The following WWOX variants were observed in gnomAD, a reference collection of about 807,000 sequenced individuals.
The protein encoded by WWOX is WW domain-containing oxidoreductase.
A neutral mutation model predicts 46.2 loss-of-function variants in WWOX; 69 were observed. The observed-to-expected ratio is 1.49, with a 90% CI of 1.23 to 1.82. The LOEUF (loss-of-function observed/expected upper bound fraction) is 1.82. WWOX is among the 40% of genes most tolerant of loss of function. The pLI is 0.00. For synonymous variants in WWOX, 359 were observed against 202.6 expected, an observed-to-expected ratio of 1.77 and a Z score of -6.56; for missense variants, 919 against 542.6, an observed-to-expected ratio of 1.69 and a Z score of -6.89.
intron 5 of WWOX, among the ~76,000 whole-genome samples, chr16:78,267,806 C>T (rs777344912): frequency 1.8e-4 from 28 of 152,328 alleles, no homozygotes; most frequent in South Asian, 1.0e-3. Context: ...GTCTCACTCT[C>T]ATTGCCCAGG....
chr16:79,134,613 A>T (rs1383014515), intron 8 of WWOX, among the ~76,000 whole-genome samples: 1 of 152,190 alleles, frequency 6.6e-6, no homozygotes, highest in Non-Finnish European at 1.5e-5. Context: ...ACATACAGAC[A>T]CCCACACCCA....
intron 8 of WWOX, among the ~76,000 whole-genome samples, chr16:78,634,474 G>A (rs572611967): frequency 3.3e-5 from 5 of 152,200 alleles, no homozygotes; most frequent in East Asian, 1.9e-4. Context: ...TTGGGAGGGC[G>A]AGGCGGGCAG....
rs2048944348 is a variant in WWOX, at chr16:79,090,803, C to G, written c.1057-120805C>G. 4.6e-5 allele frequency among the ~76,000 whole-genome samples: 7 copies of G among 152,160 alleles called. No individual in the cohort carries two copies. The South Asian group carries it at 1.4e-3, about 32-fold the overall frequency. On this transcript the variant is annotated intron_variant, in intron 8 of 8. Coordinates refer to ENST00000566780, the MANE Select transcript of WWOX (RefSeq NM_016373.4). ...TGCCTTGTTGGTTTTTAGAAAGACT[C>G]TGTTTTGGTTATTTTGTTTTTCTTT...
intron 8 of WWOX, among the ~76,000 whole-genome samples, chr16:78,765,962 G>C (rs1429830292): frequency 2.0e-5 from 3 of 152,178 alleles, no homozygotes; most frequent in Admixed American, 6.5e-5. Flanking sequence ...TGGCTTGAAA[G>C]TATAACAAAA....
At chr16:78,110,644 C>T (rs988692643) in intron 3 of WWOX, among the ~76,000 whole-genome samples, 3 of 152,096 alleles carry the variant, frequency 2.0e-5, no homozygotes, top group African/African-American at 4.8e-5. Context: ...TCCGGTATCA[C>T]GCAGCAATAG....
rs139431746 is a variant in WWOX at position 78,486,779 on chromosome 16, G to T, written c.1056+54027G>T. Among the ~76,000 whole-genome samples, 280 of 152,198 alleles carry T rather than the reference G, an allele frequency of 1.8e-3. 1 individual carries two copies. Among genetic ancestry groups the T allele is most frequent in the African/African-American group, 6.5e-3 (270 of 41,520 alleles). Reference sequence around the variant, plus strand: ...AGTTGAGATAAGGGTTTACTGTCTTGGCCAGGCTGGTCTTGAACTCCTGAC... The same window carrying T: ...AGTTGAGATAAGGGTTTACTGTCTTTGCCAGGCTGGTCTTGAACTCCTGAC... On this transcript the variant is annotated intron_variant, in intron 8 of 8. Coordinates refer to ENST00000566780, the MANE Select transcript of WWOX (RefSeq NM_016373.4).
At chr16:79,157,772 G>A (rs1597430218) in intron 8 of WWOX, among the ~76,000 whole-genome samples, 1 of 152,172 alleles carries the variant, frequency 6.6e-6, no homozygotes, top group Non-Finnish European at 1.5e-5. Flanking sequence ...ACATGGGGAG[G>A]CACCAGGACT....
At chr16:78,168,905 T>C (rs1189277465) in intron 5 of WWOX, among the ~76,000 whole-genome samples, 6 of 152,184 alleles carry the variant, frequency 3.9e-5, no homozygotes, top group Non-Finnish European at 1.5e-5. Context: ...CCTGCTGAGA[T>C]GTTTTAGATG....
At chr16:79,162,647 C>G (rs951686773) in intron 8 of WWOX, among the ~76,000 whole-genome samples, 1 of 152,226 alleles carries the variant, frequency 6.6e-6, no homozygotes, top group Admixed American at 6.5e-5. Flanking sequence ...ACCATGTCTT[C>G]TGCTTTCATC....
At chr16:78,235,653 A>G (rs1031959947) in intron 5 of WWOX, among the ~76,000 whole-genome samples, 1 of 152,160 alleles carries the variant, frequency 6.6e-6, no homozygotes, top group Non-Finnish European at 1.5e-5. Flanking sequence ...AAAAGGATGC[A>G]TGGGATGGGT....
At chr16:78,312,631 T>C (rs952547077) in intron 5 of WWOX, among the ~76,000 whole-genome samples, 16 of 152,172 alleles carry the variant, frequency 1.1e-4, no homozygotes, top group African/African-American at 3.9e-4. Context: ...TACCTTGGCC[T>C]CCCAAAGTGC....
intron 8 of WWOX, among the ~76,000 whole-genome samples, chr16:79,146,076 TTCAAG>T (rs2050177791): frequency 6.6e-6 from 1 of 152,222 alleles, no homozygotes; most frequent in African/African-American, 2.4e-5. Context: ...CTTGGAATAT[TTCAAG>T]TAAAGTAACA....
chr16:78,688,409 A>G lies in WWOX; in HGVS notation c.1056+255657A>G, dbSNP rs190134110. Among the ~76,000 whole-genome samples, 18 of 150,634 alleles carry G rather than the reference A, an allele frequency of 1.2e-4. No individual in the cohort carries two copies. The East Asian group carries it at 3.5e-3, about 29-fold the overall frequency. On this transcript the variant is annotated intron_variant, in intron 8 of 8. Transcript: ENST00000566780. ...AGATCCTGACAAATCCTACTTTTTC[A>G]GGTCCTGATGCACTAAGTCTCATTC...
intron 8 of WWOX, among the ~76,000 whole-genome samples, chr16:79,186,880 T>C (rs1017654970): frequency 4.6e-5 from 7 of 152,178 alleles, no homozygotes; most frequent in South Asian, 2.1e-4. Context: ...TTTCAACATA[T>C]TGGTTTTTCA....
intron 8 of WWOX, among the ~76,000 whole-genome samples, chr16:79,207,483 A>ATAAC (rs1235929292): frequency 2.0e-5 from 3 of 152,224 alleles, no homozygotes; most frequent in African/African-American, 7.2e-5. Flanking sequence ...CATTCCTTTC[A>ATAAC]TAACTCTACT....
In WWOX at chr16:79,106,582, A is replaced by ATTTTTTTTTTTTTTTT. The variant is rs752318131; in HGVS notation, c.1057-105008_1057-104993dup. 8.2e-4 allele frequency: 65 copies of ATTTTTTTTTTTTTTTT among 79,522 alleles called. 8 individuals are homozygous for ATTTTTTTTTTTTTTTT. Among genetic ancestry groups the ATTTTTTTTTTTTTTTT allele is most frequent in the African/African-American group, 3.4e-3 (64 of 18,840 alleles). The allele number at this position is 79,522 out of a possible 1,614,324, so 4.9% of individuals were successfully genotyped here. A position where few individuals can be genotyped will look rare whatever the true frequency, so the allele number is the denominator to read the frequency against. The stretch of plus-strand genomic sequence containing the variant: ...CCTAAAATGACTCTTTCTTAAAATA[A>ATTTTTTTTTTTTTTTT]TTTTTTTTTTTTTTTTTTTTTTTTT... On this transcript the variant is annotated intron_variant, in intron 8 of 8. Coordinates refer to ENST00000566780, the MANE Select transcript of WWOX (RefSeq NM_016373.4).
chr16:78,337,853 CCG>C lies in WWOX; in HGVS notation c.517-49006_517-49005del, dbSNP rs2080929176. Among the ~76,000 whole-genome samples, 6 of 119,408 alleles carry C rather than the reference CCG, an allele frequency of 5.0e-5. 1 individual carries two copies. The highest frequency in any genetic ancestry group is 8.3e-5 in the Admixed American group (1 of 12,110). 78.3% of individuals were successfully genotyped at this position (119,408 alleles called of 152,430 possible). A position where few individuals can be genotyped will look rare whatever the true frequency, so the allele number is the denominator to read the frequency against. On this transcript the variant is annotated intron_variant, in intron 5 of 8. Coordinates refer to ENST00000566780, the MANE Select transcript of WWOX (RefSeq NM_016373.4). ...GTTTCCACCATGAAGAAGTGGAGAG[CCG>C]TGTGACCTCAGTGGTAGAGCTGATG...
chr16:78,719,419 A>G (rs2048642240), intron 8 of WWOX, among the ~76,000 whole-genome samples: 1 of 152,264 alleles, frequency 6.6e-6, no homozygotes, highest in Non-Finnish European at 1.5e-5. Flanking sequence ...CTTGCCTTAC[A>G]GGCATGCACA....
At chr16:79,179,693 C>G (rs912234132) in intron 8 of WWOX, among the ~76,000 whole-genome samples, 16 of 152,154 alleles carry the variant, frequency 1.1e-4, no homozygotes, top group African/African-American at 3.9e-4. Flanking sequence ...TTTACCAGAT[C>G]CTTCTTTAGT....
Sources: allele counts gnomAD v4.1 joint callset (sites outside exome capture counted in the v4.1 genomes callset), GRCh38; gene constraint gnomAD v4.1.1; transcripts MANE v1.5; gene names NCBI Gene and HGNC (gene_info 2026-07-23, HGNC 2026-07-21).